The following COL5A1 variants were observed in gnomAD, a reference collection of about 807,000 sequenced individuals.
COL5A1 encodes collagen type V alpha 1 chain.
COL5A1 carries 16 observed loss-of-function variants against 263.7 expected under a neutral mutation model. The observed-to-expected ratio is 0.06, with a 90% CI of 0.04 to 0.09. The LOEUF (loss-of-function observed/expected upper bound fraction) is 0.09, where lower values mean the gene tolerates loss of function less well. Ranked by LOEUF, COL5A1 falls within the 10% of genes least tolerant of loss-of-function variation. The probability of loss-of-function intolerance (pLI) is 1.00; values close to 1 mark genes in which losing one functional copy is unlikely to be tolerated. For missense variants in COL5A1, 2,036 were observed against 2,540.5 expected, an observed-to-expected ratio of 0.80 and a Z score of 4.27; for synonymous variants, 1,012 against 1,004.5, an observed-to-expected ratio of 1.01 and a Z score of -0.14.
rs1836090922 is a variant in COL5A1 at position 134,758,835 on chromosome 9, T to G, written c.1935+539T>G. Reference sequence around the variant, plus strand: ...TGAGTCCCGAGCTAGTGCGGTGACCTGGGGGTCTTCCTGGCTGCGCCGTTT... The same window carrying G: ...TGAGTCCCGAGCTAGTGCGGTGACCGGGGGGTCTTCCTGGCTGCGCCGTTT... On this transcript the variant is annotated intron_variant, in intron 18 of 65. Coordinates refer to ENST00000371817, the MANE Select transcript of COL5A1 (RefSeq NM_000093.5). This position sits in a 1 kb window ranked among gnomAD's most constrained non-coding sequence, Gnocchi z 4.1. Among the ~76,000 whole-genome samples, 1 of 152,154 alleles carries G rather than the reference T, an allele frequency of 6.6e-6. No homozygotes were observed. The highest frequency in any genetic ancestry group is 6.5e-5 in the Admixed American group (1 of 15,284).
intron 46 of COL5A1, among the ~76,000 whole-genome samples, chr9:134,812,218 C>G (rs1838549783): frequency 6.6e-6 from 1 of 152,212 alleles, no homozygotes; most frequent in African/African-American, 2.4e-5. Flanking sequence ...TGGGTTCCTG[C>G]CATAATCACC....
intron 25 of COL5A1, among the ~76,000 whole-genome samples, chr9:134,772,483 A>T (rs1836896479): frequency 6.6e-6 from 1 of 152,178 alleles, no homozygotes; most frequent in African/African-American, 2.4e-5. Flanking sequence ...CGTGCAGGTC[A>T]CCTGTGCACT....
intron 32 of COL5A1, 24 bp from the exon 33 acceptor site, chr9:134,795,058 G>C (rs752737400): frequency 6.2e-7 from 1 of 1,613,256 alleles, no homozygotes; most frequent in Non-Finnish European, 8.5e-7. Context: ...GAGAGTGACT[G>C]ACCAGCCCCT....
intron 49 of COL5A1, among the ~76,000 whole-genome samples, chr9:134,814,540 G>C (rs1037924505): frequency 1.3e-5 from 2 of 152,162 alleles, no homozygotes; most frequent in African/African-American, 4.8e-5. Context: ...CCAGGAGTCA[G>C]TCCCTCCCAC....
Position 134,841,913 on chromosome 9 carries a change from G to A in COL5A1, c.5371-244G>A, listed in dbSNP as rs940567679. ...AGCCTTGGGAGGGTCCTGTCGCCTC[G>A]CTGATGCCCACACCACCCCACCTCC... On this transcript the variant is annotated intron_variant, in intron 65 of 65. Coordinates refer to ENST00000371817, the MANE Select transcript of COL5A1 (RefSeq NM_000093.5). This position sits in a 1 kb window ranked among gnomAD's most constrained non-coding sequence, Gnocchi z 4.8. Among the ~76,000 whole-genome samples, 4 of 152,066 alleles carry A rather than the reference G, an allele frequency of 2.6e-5. No individual in the cohort carries two copies. Among genetic ancestry groups the A allele is most frequent in the Non-Finnish European group, 4.4e-5 (3 of 68,020 alleles).
Position 134,812,893 on chromosome 9 carries a change from A to G in COL5A1, c.3852+181A>G, listed in dbSNP as rs73664148. On this transcript the variant is annotated intron_variant, in intron 48 of 65. Transcript: ENST00000371817. ...ATGAGAAGTACTCATTTCTGTGGGC[A>G]TGGCTGGTTTATTCCTATGAAGGGC... Among the ~76,000 whole-genome samples, 9,525 of 145,422 alleles carry G rather than the reference A, an allele frequency of 0.065. 875 individuals carry two copies. Among genetic ancestry groups the G allele is most frequent in the African/African-American group, 0.2 (7,982 of 39,122 alleles).
At chr9:134,825,683 G>T (rs1481874628) in intron 62 of COL5A1, 109 bp from the exon 63 acceptor site, 7 of 714,428 alleles carry the variant, frequency 9.8e-6, no homozygotes, top group African/African-American at 8.8e-5. Flanking sequence ...CGGCATTCCT[G>T]GGGCGTGCAT....
At chr9:134,660,402 A>G (rs1832166999) in intron 1 of COL5A1, among the ~76,000 whole-genome samples, 1 of 152,234 alleles carries the variant, frequency 6.6e-6, no homozygotes, top group Non-Finnish European at 1.5e-5. Flanking sequence ...AAAGTTAGGA[A>G]GTTTCAATTT....
chr9:134,810,272 G>A lies in COL5A1; in HGVS notation c.3492G>A (p.Pro1164=), dbSNP rs774312418. The A allele has an allele frequency of 1.2e-5, 19 of 1,614,072 alleles. No individual in the cohort carries two copies. The highest frequency in any genetic ancestry group is 1.5e-5 in the Non-Finnish European group (18 of 1,180,018). ...EDGDKGEIGE[P]GQKGSKGDKG... is the part of the protein sequence containing the mutation. ...TCCCCTAGGGAGAGATCGGGGAGCC[G>A]GGGCAGAAAGGAAGCAAGGGGGACA... The change falls in exon 44 of 66, where the codon CCG becomes CCA. Residue 1164 remains proline, a synonymous_variant. Coordinates refer to ENST00000371817, the MANE Select transcript of COL5A1 (RefSeq NM_000093.5).
intron 9 of COL5A1, among the ~76,000 whole-genome samples, chr9:134,733,553 C>T (rs1834983371): frequency 6.6e-6 from 1 of 152,206 alleles, no homozygotes; most frequent in African/African-American, 2.4e-5. Flanking sequence ...GGGTCATGGG[C>T]TGCAGGGCAA....
intron 1 of COL5A1, among the ~76,000 whole-genome samples, chr9:134,690,006 CTCG>C (rs1039293502): frequency 2.0e-5 from 3 of 152,150 alleles, no homozygotes; most frequent in Admixed American, 2.0e-4. Flanking sequence ...GTCTGGGGTC[CTCG>C]TGGTGTGGGG....
At chr9:134,744,672 C>A (rs1383398181) in intron 11 of COL5A1, among the ~76,000 whole-genome samples, 2 of 152,030 alleles carry the variant, frequency 1.3e-5, no homozygotes, top group African/African-American at 4.8e-5. Flanking sequence ...CACACATGCA[C>A]ACACATTCAC....
chr9:134,652,255 G>A lies in COL5A1; in HGVS notation c.109+9959G>A, dbSNP rs142318988. 2.7e-3 allele frequency among the ~76,000 whole-genome samples: 410 copies of A among 152,330 alleles called. 2 individuals carry two copies. The highest frequency in any genetic ancestry group is 9.4e-3 in the African/African-American group (390 of 41,568). On this transcript the variant is annotated intron_variant, in intron 1 of 65. Transcript: ENST00000371817. This position sits in a 1 kb window ranked among gnomAD's most constrained non-coding sequence, Gnocchi z 4.4. ...ACTGCTTGAGCAGTGGAGATACTCA[G>A]CTGAAGGTTGAGAACACACAGGGCG...
chr9:134,732,992 C>T (rs978721594), intron 9 of COL5A1, among the ~76,000 whole-genome samples: 2 of 152,178 alleles, frequency 1.3e-5, no homozygotes, highest in East Asian at 1.9e-4. Flanking sequence ...TGGGCACGAC[C>T]GGAGAGCAGG....
intron 4 of COL5A1, among the ~76,000 whole-genome samples, chr9:134,722,872 C>T (rs983408166): frequency 1.3e-5 from 2 of 152,088 alleles, no homozygotes; most frequent in African/African-American, 4.8e-5. Context: ...CTGCTGGCCT[C>T]AGCGGGTGGA....
rs57916677 is a variant in COL5A1, at chr9:134,689,860, T to C, written c.110-1052T>C. 6.6e-3 allele frequency among the ~76,000 whole-genome samples: 1,001 copies of C among 152,294 alleles called. 14 individuals carry two copies. The highest frequency in any genetic ancestry group is 0.022 in the African/African-American group (929 of 41,576). On this transcript the variant is annotated intron_variant, in intron 1 of 65. Transcript: ENST00000371817. ...AACACACACCATTCTGTCGCTGTGA[T>C]GCCAACTTCGAGTTTATTTTCTCTG...
At chr9:134,648,176 A>C (rs1332407020) in intron 1 of COL5A1, among the ~76,000 whole-genome samples, 1 of 150,982 alleles carries the variant, frequency 6.6e-6, no homozygotes, top group Non-Finnish European at 1.5e-5. Context: ...CGAACATCGG[A>C]CTCCAAGTTC....
rs1186971830 is a variant in COL5A1, at chr9:134,794,596, C to T, written c.2701-486C>T. ...ATTTATATATTAAATTCCAAGTTTG[C>T]GCGTCTGCAGAGCCTGTTGAAAATT... On this transcript the variant is annotated intron_variant, in intron 32 of 65. Transcript: ENST00000371817. The surrounding 1 kb of genome is among the most constrained non-coding windows in gnomAD (Gnocchi z 4.3). 1.3e-5 allele frequency among the ~76,000 whole-genome samples: 2 copies of T among 152,166 alleles called. No individual in the cohort carries two copies. Among genetic ancestry groups the T allele is most frequent in the African/African-American group, 4.8e-5 (2 of 41,434 alleles).
chr9:134,704,793 C>CTT lies in COL5A1; in HGVS notation c.654+3471_654+3472dup, dbSNP rs72014908. ...CCTTCAGCTGCCCCAAGCATCTTTTCTTTTTTTTTTTTCCCTTAACAGTGT... is the reference window on the plus strand; with the variant it reads ...CCTTCAGCTGCCCCAAGCATCTTTTCTTTTTTTTTTTTTTCCCTTAACAGTGT... On this transcript the variant is annotated intron_variant, in intron 4 of 65. Coordinates refer to ENST00000371817, the MANE Select transcript of COL5A1 (RefSeq NM_000093.5). 5.4e-4 allele frequency among the ~76,000 whole-genome samples: 63 copies of CTT among 116,864 alleles called. 1 individual carries two copies. The highest frequency in any genetic ancestry group is 1.3e-3 in the African/African-American group (49 of 36,744). 76.7% of individuals were successfully genotyped at this position (116,864 alleles called of 152,430 possible).
Sources: allele counts gnomAD v4.1 joint callset (sites outside exome capture counted in the v4.1 genomes callset), GRCh38; gene constraint gnomAD v4.1.1; non-coding constraint Gnocchi (gnomAD v3.1); transcripts MANE v1.5; gene names NCBI Gene and HGNC (gene_info 2026-07-23, HGNC 2026-07-21).